Variants in HIPK1 observed in about 807,000 individuals in gnomAD.
HIPK1 encodes the protein homeodomain interacting protein kinase 1, also known as homeodomain-interacting protein kinase 1.
In HIPK1, 28 loss-of-function variants were observed where a neutral mutation model predicts 117.1. That is an observed-to-expected ratio of 0.24 (90% CI 0.18 to 0.33). The LOEUF (loss-of-function observed/expected upper bound fraction) is 0.33, where lower values mean the gene tolerates loss of function less well. Ranked by LOEUF, HIPK1 falls within the 10% of genes least tolerant of loss-of-function variation. HIPK1 has a pLI of 1.00. For synonymous variants in HIPK1, 605 were observed against 562.5 expected (o/e 1.08, Z -1.07); for missense variants, 1,122 against 1,475.1 (o/e 0.76, Z 3.92).
chr1:113,946,220 A>G (rs1039387616), intron 2 of HIPK1, among the ~76,000 whole-genome samples: 1 of 152,160 alleles, frequency 6.6e-6, no homozygotes, highest in Admixed American at 6.5e-5. Context: ...TATATAACAT[A>G]CTCTACAGGT....
chr1:113,936,985 T>C (rs1670292993), intron 1 of HIPK1, among the ~76,000 whole-genome samples: 1 of 152,254 alleles, frequency 6.6e-6, no homozygotes, highest in African/African-American at 2.4e-5. Flanking sequence ...CTTAATTTTA[T>C]GATAAATACT....
Position 113,973,551 on chromosome 1 carries a change from T to A in HIPK1, c.*39T>A. On this transcript the variant is annotated 3_prime_UTR_variant, in exon 16 of 16. Transcript: ENST00000426820. Reference sequence around the variant, plus strand: ...GGGAGGAGGAATCATGGCTACCTTCTCCTGGCCCTGCGTTCTTAATATTGG... The same window carrying A: ...GGGAGGAGGAATCATGGCTACCTTCACCTGGCCCTGCGTTCTTAATATTGG... 6.5e-7 allele frequency: 1 copy of A among 1,540,746 alleles called. No homozygotes were observed. The highest frequency in any genetic ancestry group is 1.4e-5 in the African/African-American group (1 of 72,994).
intron 7 of HIPK1, 32 bp downstream of exon 7, chr1:113,957,318 T>G: frequency 1.3e-6 from 2 of 1,560,872 alleles, no homozygotes; most frequent in Non-Finnish European, 1.8e-6. Flanking sequence ...AAACTCAAGC[T>G]TAAGTGGGAT....
At chr1:113,938,776 C>T (rs1331692568) in intron 1 of HIPK1, among the ~76,000 whole-genome samples, 1 of 151,566 alleles carries the variant, frequency 6.6e-6, no homozygotes, top group Non-Finnish European at 1.5e-5. Flanking sequence ...TGGGTGTGGT[C>T]GTGCACGCCT....
chr1:113,938,646 C>T (rs1198303497), intron 1 of HIPK1, among the ~76,000 whole-genome samples: 2 of 151,844 alleles, frequency 1.3e-5, no homozygotes, highest in Non-Finnish European at 2.9e-5. Flanking sequence ...CAGTGGCTCA[C>T]GCCTGTAATC....
intron 14 of HIPK1, 128 bp from the exon 15 acceptor site, chr1:113,971,696 C>T (rs1018732299): frequency 2.6e-6 from 2 of 770,132 alleles, no homozygotes; most frequent in South Asian, 4.8e-5. Flanking sequence ...TTATTTTCTT[C>T]TGATGTAAAT....
In HIPK1 at chr1:113,955,492, G is replaced by A. The variant is rs75952392; in HGVS notation, c.1321-71G>A. ...GACCACACTTGTCTCTTGTATTCTG[G>A]CTTTGGTTTTGAATAAAATGTGAAA... On this transcript the variant is annotated intron_variant, in intron 4 of 15. Coordinates refer to ENST00000426820, the MANE Select transcript of HIPK1 (RefSeq NM_198268.3). The A allele has an allele frequency of 1.4e-3, 1,266 of 907,726 alleles. 10 individuals carry two copies. In the African/African-American group the frequency reaches 0.017, roughly 12 times the overall value. 56.2% of individuals were successfully genotyped at this position (907,726 alleles called of 1,614,324 possible).
chr1:113,929,500 CTA>C lies in HIPK1; in HGVS notation c.-34_-33del. On this transcript the variant is annotated 5_prime_UTR_variant, in exon 1 of 16. It removes the in-frame stop codon of an upstream open reading frame in the 5' UTR. Transcript: ENST00000426820. ...CTGCAATCAGTACTATGCGATCGTC[CTA>C]GAGAGTCCATTCAGCTGCACTTCCG... 1 of 1,289,308 alleles carries C rather than the reference CTA, an allele frequency of 7.8e-7. No homozygotes were observed. The highest frequency in any genetic ancestry group is 1.0e-6 in the Non-Finnish European group (1 of 988,812). The allele number at this position is 1,289,308 out of a possible 1,614,324, so 79.9% of individuals were successfully genotyped here.
chr1:113,964,298 C>T lies in HIPK1; in HGVS notation c.2238+777C>T, dbSNP rs1672315082. Among the ~76,000 whole-genome samples the T allele has an allele frequency of 2.0e-5, 3 of 152,118 alleles. No homozygotes were observed. The South Asian group carries it at 6.2e-4, about 31-fold the overall frequency. ...GTATGGCCAACAAACTATGCAAATA[C>T]AATATCTTTGTTATTAAAAGTCATG... On this transcript the variant is annotated intron_variant, in intron 10 of 15. Coordinates refer to ENST00000426820, the MANE Select transcript of HIPK1 (RefSeq NM_198268.3).
At position 113,973,041 on chromosome 1, in the gene HIPK1, G is replaced by T. The variant is rs748336186; in HGVS notation, c.3162G>T (p.Ala1054=). 1.3e-6 allele frequency: 2 copies of T among 1,514,934 alleles called. No homozygotes were observed. The highest frequency in any genetic ancestry group is 4.5e-5 in the Admixed American group (2 of 44,186). The allele number at this position is 1,514,934 out of a possible 1,614,324, so 93.8% of individuals were successfully genotyped here. ...LNLSQNQQSS[A]APTSQERSSN... The stretch of plus-strand genomic sequence containing the variant: ...TCTTCCAGAACCAGCAGTCATCGGC[G>T]GCTCCAACCTCACAGGAGAGAAGCA... Residue 1054 remains alanine (A), a synonymous_variant, in exon 16 of 16, where the codon GCG becomes GCT. Coordinates refer to ENST00000426820, the MANE Select transcript of HIPK1 (RefSeq NM_198268.3).
Position 113,956,731 on chromosome 1 carries a change from T to A in HIPK1, c.1512T>A (p.Asp504Glu), listed in dbSNP as rs555763662. 1.2e-6 allele frequency: 2 copies of A among 1,614,042 alleles called. No homozygotes were observed. Among genetic ancestry groups the A allele is most frequent in the South Asian group, 2.2e-5 (2 of 91,078 alleles). ...AGAAAATGCTCACAATTGATGCAGATAAGAGAATTACCCCTCTAAAAACTC... is the reference window on the plus strand; with the variant it reads ...AGAAAATGCTCACAATTGATGCAGAAAAGAGAATTACCCCTCTAAAAACTC... Reference protein sequence around the residue: ...LLKKMLTIDADKRITPLKTLN... With the variant: ...LLKKMLTIDAEKRITPLKTLN... Residue 504 changes from aspartate to glutamate, a missense_variant, in exon 6 of 16, where the codon GAT (aspartate) becomes GAA (glutamate). Transcript: ENST00000426820.
chr1:113,954,909 G>T (rs527481928), intron 4 of HIPK1, 139 bp downstream of exon 4: 12 of 771,388 alleles, frequency 1.6e-5, no homozygotes, highest in Admixed American at 2.7e-5. Flanking sequence ...TTATTTCTTT[G>T]TACCTGTTTG....
At chr1:113,930,293 G>C (rs571745098) in intron 1 of HIPK1, among the ~76,000 whole-genome samples, 1 of 152,264 alleles carries the variant, frequency 6.6e-6, no homozygotes, top group Non-Finnish European at 1.5e-5. Context: ...GGTTCCCAGT[G>C]TGTGGCTTGT....
chr1:113,951,465 A>G (rs1671358090), intron 2 of HIPK1, among the ~76,000 whole-genome samples: 1 of 152,090 alleles, frequency 6.6e-6, no homozygotes, highest in Admixed American at 6.5e-5. Context: ...TAATAATTCT[A>G]TTTTAGATGT....
In HIPK1 at chr1:113,968,554, A is replaced by G. The variant is rs1205946279; in HGVS notation, c.2677A>G (p.Ile893Val). 6.2e-7 allele frequency: 1 copy of G among 1,614,110 alleles called. No individual in the cohort carries two copies. Among genetic ancestry groups the G allele is most frequent in the Non-Finnish European group, 8.5e-7 (1 of 1,179,942 alleles). ...CCCTGTCCAAGATCAGCATCAGCCC[A>G]TCATCATTCCAGATACTCCCAGCCC... ...LVPVQDQHQPIIIPDTPSPPV... is the reference protein window; with the variant it reads ...LVPVQDQHQPVIIPDTPSPPV... The change falls in exon 13 of 16, where the codon ATC becomes GTC. Residue 893 changes from isoleucine to valine, a missense_variant. Coordinates refer to ENST00000426820, the MANE Select transcript of HIPK1 (RefSeq NM_198268.3).
At chr1:113,939,222 AC>A (rs1443177739) in intron 1 of HIPK1, among the ~76,000 whole-genome samples, 1 of 151,772 alleles carries the variant, frequency 6.6e-6, no homozygotes, top group African/African-American at 2.4e-5. Flanking sequence ...TGGCACGATC[AC>A]AGCTCACTGC....
At chr1:113,968,359 A>T in intron 12 of HIPK1, 83 bp from the exon 13 acceptor site, 4 of 959,768 alleles carry the variant, frequency 4.2e-6, no homozygotes, top group Non-Finnish European at 6.8e-6. Context: ...TCAATGAGTA[A>T]ATTGGAAAGC....
intron 4 of HIPK1, 86 bp downstream of exon 4, chr1:113,954,856 T>A: frequency 8.0e-7 from 1 of 1,256,344 alleles, no homozygotes; most frequent in South Asian, 1.4e-5. Flanking sequence ...ATTAAATTCT[T>A]CAGGTAGAGA....
rs1196349510 is a variant in HIPK1 at position 113,929,531 on chromosome 1, C to T, written c.-4C>T. The T allele has an allele frequency of 3.9e-6, 5 of 1,287,506 alleles. No homozygotes were observed. The highest frequency in any genetic ancestry group is 2.5e-5 in the South Asian group (2 of 81,090). The allele number at this position is 1,287,506 out of a possible 1,614,324, so 79.8% of individuals were successfully genotyped here. A position where few individuals can be genotyped will look rare whatever the true frequency, so the allele number is the denominator to read the frequency against. On this transcript the variant is annotated splice_region_variant and 5_prime_UTR_variant, in exon 1 of 16. Coordinates refer to ENST00000426820, the MANE Select transcript of HIPK1 (RefSeq NM_198268.3). ...AGTCCATTCAGCTGCACTTCCGCCTCAGTAGGTGTCATGGCGCGGGGCGGG... is the reference window on the plus strand; with the variant it reads ...AGTCCATTCAGCTGCACTTCCGCCTTAGTAGGTGTCATGGCGCGGGGCGGG...
Sources: gnomAD v4.1 joint callset for allele counts (sites outside exome capture counted in the v4.1 genomes callset) on GRCh38, gnomAD v4.1.1 for gene constraint, MANE v1.5 for transcripts, NCBI Gene and HGNC (gene_info 2026-07-23, HGNC 2026-07-21) for gene names.